EPB41: variants seen among roughly 807,000 people sequenced by gnomAD.
EPB41 encodes the protein erythrocyte membrane protein band 4.1.
In EPB41, 65 loss-of-function variants were observed where a neutral mutation model predicts 108.0. The observed-to-expected ratio is 0.60, with a 90% CI of 0.49 to 0.74. The LOEUF is 0.74. Ranked by LOEUF, EPB41 falls within the 30% of genes least tolerant of loss-of-function variation. EPB41 has a pLI of 0.00. For missense variants in EPB41, 875 were observed against 1,037.0 expected, an observed-to-expected ratio of 0.84 and a Z score of 2.15; for synonymous variants, 336 against 358.9, an observed-to-expected ratio of 0.94 and a Z score of 0.72.
At chr1:29,056,052 T>C (rs1645354041) in intron 12 of EPB41, among the ~76,000 whole-genome samples, 1 of 149,496 alleles carries the variant, frequency 6.7e-6, no homozygotes, top group Non-Finnish European at 1.5e-5. Flanking sequence ...CTGGCCAACA[T>C]GGTGAAACCC....
At chr1:29,075,712 A>G (rs1403731231) in intron 16 of EPB41, among the ~76,000 whole-genome samples, 1 of 152,232 alleles carries the variant, frequency 6.6e-6, no homozygotes, top group Non-Finnish European at 1.5e-5. Flanking sequence ...CTATCTCAAT[A>G]AAACACATAG....
chr1:28,916,960 T>A (rs2092719278), intron 1 of EPB41, among the ~76,000 whole-genome samples: 1 of 151,958 alleles, frequency 6.6e-6, no homozygotes, highest in Non-Finnish European at 1.5e-5. Context: ...TTGGCTAATG[T>A]CTTTTTATTT....
At chr1:28,915,208 T>G (rs1229158386) in intron 1 of EPB41, among the ~76,000 whole-genome samples, 1 of 152,054 alleles carries the variant, frequency 6.6e-6, no homozygotes, top group African/African-American at 2.4e-5. Flanking sequence ...TCTGCAGAAG[T>G]CAGGCGGAAT....
chr1:29,030,365 C>A, intron 7 of EPB41, 35 bp from the exon 8 acceptor site: 1 of 1,528,086 alleles, frequency 6.5e-7, no homozygotes, highest in Non-Finnish European at 9.1e-7. Context: ...GACACTATAA[C>A]ACTGAAAGAA....
intron 1 of EPB41, among the ~76,000 whole-genome samples, chr1:28,906,839 G>A (rs1451762708): frequency 3.3e-5 from 5 of 150,428 alleles, no homozygotes; most frequent in Non-Finnish European, 7.4e-5. Context: ...GCAGTAGTGC[G>A]ATCTCAGCTC....
chr1:29,096,476 C>T (rs1293480981), intron 16 of EPB41: 39 of 985,744 alleles, frequency 4.0e-5, no homozygotes, highest in Non-Finnish European at 4.7e-5. Context: ...TCAGCTGCAA[C>T]CTGGTGTAAA....
chr1:29,101,433 G>A (rs769065884), intron 17 of EPB41, among the ~76,000 whole-genome samples: 2 of 152,158 alleles, frequency 1.3e-5, no homozygotes, highest in Non-Finnish European at 2.9e-5. Flanking sequence ...GCATGTTTAT[G>A]GACACTTAGT....
chr1:28,992,649 A>T (rs1450937317), intron 2 of EPB41, among the ~76,000 whole-genome samples: 1 of 152,238 alleles, frequency 6.6e-6, no homozygotes, highest in Non-Finnish European at 1.5e-5. Context: ...AGATCGCGCC[A>T]CTGCACTCCA....
chr1:29,005,862 C>T (rs575147977), intron 4 of EPB41, among the ~76,000 whole-genome samples: 1 of 152,256 alleles, frequency 6.6e-6, no homozygotes, highest in South Asian at 2.1e-4. Context: ...GATATTGCTG[C>T]TCTTCATCTC....
Position 28,985,225 on chromosome 1 carries a change from A to T in EPB41, c.-7-2206A>T, listed in dbSNP as rs571609721. On this transcript the variant is annotated intron_variant, in intron 1 of 20. Transcript: ENST00000343067. Reference sequence around the variant, plus strand: ...GTGATCTGCCCGCCTCGGCCTCCCAAAGTGCTGGGATTACAGCCGTGAGCC... The same window carrying T: ...GTGATCTGCCCGCCTCGGCCTCCCATAGTGCTGGGATTACAGCCGTGAGCC... 4.4e-3 allele frequency among the ~76,000 whole-genome samples: 670 copies of T among 152,152 alleles called. 5 individuals carry two copies. The highest frequency in any genetic ancestry group is 7.4e-3 in the Non-Finnish European group (503 of 67,998).
At chr1:28,921,106 A>G (rs970152889) in intron 1 of EPB41, among the ~76,000 whole-genome samples, 9 of 152,200 alleles carry the variant, frequency 5.9e-5, no homozygotes, top group Admixed American at 5.9e-4. Context: ...TTAAGCCTGT[A>G]ACCCATACGT....
At chr1:28,978,659 G>A (rs2095663225) in intron 1 of EPB41, among the ~76,000 whole-genome samples, 1 of 151,382 alleles carries the variant, frequency 6.6e-6, no homozygotes, top group South Asian at 2.1e-4. Context: ...TTGTGGATTA[G>A]GTGGGGAAGA....
At chr1:29,070,747 T>C in intron 16 of EPB41, 1 of 1,196,354 alleles carries the variant, frequency 8.4e-7, no homozygotes, top group Non-Finnish European at 1.0e-6. Flanking sequence ...TGTGATCATT[T>C]TTCTGTCAAA....
At chr1:28,986,128 A>G (rs536271232) in intron 1 of EPB41, among the ~76,000 whole-genome samples, 3 of 151,700 alleles carry the variant, frequency 2.0e-5, no homozygotes, top group South Asian at 2.1e-4. Context: ...ATGGTTTCCA[A>G]TTTCATCCAT....
At position 29,018,434 on chromosome 1, in the gene EPB41, G is replaced by A. The variant is rs372873942; in HGVS notation, c.1116G>A (p.Lys372=). Residue 372 remains lysine (K), a synonymous_variant, in exon 7 of 21, where the codon AAG becomes AAA. Coordinates refer to ENST00000343067, the MANE Select transcript of EPB41 (RefSeq NM_001376013.1). The surrounding 1 kb of genome is among the most constrained non-coding windows in gnomAD (Gnocchi z 4.4). ...ELEEKVMELH[K]SYRSMTPAQA... ...AAGAGAAGGTCATGGAACTGCATAA[G>A]TCATACAGGTGAATATGTCTCCAGG... The A allele has an allele frequency of 4.4e-5, 71 of 1,613,934 alleles. No individual in the cohort carries two copies. The highest frequency in any genetic ancestry group is 5.7e-5 in the Non-Finnish European group (67 of 1,179,986).
chr1:28,903,405 A>G (rs527865924), intron 1 of EPB41, among the ~76,000 whole-genome samples: 15 of 147,620 alleles, frequency 1.0e-4, no homozygotes, highest in Admixed American at 1.3e-4. Flanking sequence ...GCTCACTGCA[A>G]CCTCCGCCTC....
chr1:29,006,530 C>T (rs1444916933), intron 4 of EPB41, among the ~76,000 whole-genome samples: 2 of 152,042 alleles, frequency 1.3e-5, no homozygotes, highest in African/African-American at 4.8e-5. Flanking sequence ...AGCCACTGCG[C>T]CCGGCCAAAG....
chr1:29,013,834 GTTT>G (rs537368192), intron 5 of EPB41, among the ~76,000 whole-genome samples: 15,188 of 131,704 alleles, frequency 0.12, 1,096 homozygotes, highest in East Asian at 0.39. Flanking sequence ...CAGCCCTTAA[GTTT>G]TTTTTTTTTT....
intron 1 of EPB41, among the ~76,000 whole-genome samples, chr1:28,953,518 TA>T (rs1019847071): frequency 3.9e-5 from 6 of 152,118 alleles, no homozygotes; most frequent in Non-Finnish European, 7.4e-5. Flanking sequence ...CATTTGTGTT[TA>T]AAAAGGAAGC....
Sources: gnomAD v4.1 joint callset for allele counts (sites outside exome capture counted in the v4.1 genomes callset) on GRCh38, gnomAD v4.1.1 for gene constraint, Gnocchi (gnomAD v3.1) non-coding constraint, MANE v1.5 for transcripts, NCBI Gene and HGNC (gene_info 2026-07-23, HGNC 2026-07-21) for gene names.